IFT57: variants seen among roughly 807,000 people sequenced by gnomAD.
IFT57 encodes the protein intraflagellar transport 57.
Under a neutral mutation model 56.8 loss-of-function variants are expected in IFT57, and 59 were observed. The observed-to-expected ratio is 1.04, with a 90% CI of 0.84 to 1.29. The LOEUF is 1.29. Among genes scored for constraint, IFT57 ranks in the 50% most tolerant of loss-of-function variants. The pLI, the probability that IFT57 is intolerant of heterozygous loss-of-function variation, is 0.00. For synonymous variants in IFT57, 209 were observed against 186.1 expected, an observed-to-expected ratio of 1.12 and a Z score of -1.00; for missense variants, 470 against 522.1, an observed-to-expected ratio of 0.90 and a Z score of 0.97.
rs764840317 is a variant in IFT57 at position 108,206,637 on chromosome 3, T to G, written c.645A>C (p.Thr215=). 7.3e-7 allele frequency: 1 copy of G among 1,368,122 alleles called. No individual in the cohort carries two copies. Among genetic ancestry groups the G allele is most frequent in the Non-Finnish European group, 9.7e-7 (1 of 1,030,244 alleles). The allele number at this position is 1,368,122 out of a possible 1,614,324, so 84.7% of individuals were successfully genotyped here. Residue 215 remains threonine, a synonymous_variant, in exon 5 of 11, where the codon ACA becomes ACC. Coordinates refer to ENST00000264538, the MANE Select transcript of IFT57 (RefSeq NM_018010.4). ...FIDLNVLKAQ[T]YHLDMNETAK... is the part of the protein sequence containing the mutation. ...ATCTGATGAAACTTACCAAGTGATATGTCTGGGCCTTTAAAACGTTGAGAT... is the reference window on the plus strand; with the variant it reads ...ATCTGATGAAACTTACCAAGTGATAGGTCTGGGCCTTTAAAACGTTGAGAT...
chr3:108,165,417 G>T lies in IFT57; in HGVS notation c.1044+14C>A. 4 of 1,608,338 alleles carry T rather than the reference G, an allele frequency of 2.5e-6. No homozygotes were observed. Among genetic ancestry groups the T allele is most frequent in the Non-Finnish European group, 3.4e-6 (4 of 1,175,212 alleles). On this transcript the variant is annotated intron_variant, in intron 9 of 10. Coordinates refer to ENST00000264538, the MANE Select transcript of IFT57 (RefSeq NM_018010.4). ...CTGACAGGTGAGAAGCAGGGCAAGA[G>T]CATCAGTGTGTACCTCAGAGAGGAG...
chr3:108,205,931 TATAA>T (rs1157173853), intron 5 of IFT57, among the ~76,000 whole-genome samples: 33 of 119,046 alleles, frequency 2.8e-4, no homozygotes, highest in Admixed American at 3.4e-4. Flanking sequence ...ATTTATAATA[TATAA>T]ATATATTAGT....
rs1036892191 is a variant in IFT57, at chr3:108,161,755, G to A, written c.*722C>T. ...CCTTCTTCTACAAAATGGTTCCCTA[G>A]TATAGCCGATACCACAGAAAAAGGT... On this transcript the variant is annotated 3_prime_UTR_variant, in exon 11 of 11. Transcript: ENST00000264538. The A allele has an allele frequency of 1.3e-5, 2 of 152,090 alleles. No individual in the cohort carries two copies. Among genetic ancestry groups the A allele is most frequent in the Non-Finnish European group, 2.9e-5 (2 of 68,008 alleles). 9.4% of individuals were successfully genotyped at this position (152,090 alleles called of 1,614,324 possible).
chr3:108,196,973 A>G (rs949385835), intron 5 of IFT57, among the ~76,000 whole-genome samples: 2 of 152,140 alleles, frequency 1.3e-5, no homozygotes, highest in African/African-American at 2.4e-5. Flanking sequence ...TTTCTTCCCA[A>G]TTGTTTTTCC....
chr3:108,206,641 T>C lies in IFT57; in HGVS notation c.641A>G (p.Gln214Arg). 4 of 1,389,196 alleles carry C rather than the reference T, an allele frequency of 2.9e-6. No individual in the cohort carries two copies. The highest frequency in any genetic ancestry group is 3.8e-6 in the Non-Finnish European group (4 of 1,043,716). The allele number at this position is 1,389,196 out of a possible 1,614,324, so 86.1% of individuals were successfully genotyped here. ...GATGAAACTTACCAAGTGATATGTCTGGGCCTTTAAAACGTTGAGATCAAT... is the reference window on the plus strand; with the variant it reads ...GATGAAACTTACCAAGTGATATGTCCGGGCCTTTAAAACGTTGAGATCAAT... ...NFIDLNVLKA[Q>R]TYHLDMNETA... The change falls in exon 5 of 11, where the codon CAG (glutamine) becomes CGG (arginine). Residue 214 changes from glutamine to arginine, a missense_variant. Gln to Arg is a conservative substitution (Grantham distance 43). Transcript: ENST00000264538.
In IFT57 at chr3:108,162,175, G is replaced by T; in HGVS notation, c.*302C>A. ...GACAGCAGCAGCATCTGCAGAAAAC[G>T]CAGGTCATATACCTTGGCTTACACA... On this transcript the variant is annotated 3_prime_UTR_variant, in exon 11 of 11. Coordinates refer to ENST00000264538, the MANE Select transcript of IFT57 (RefSeq NM_018010.4). 1 of 204,004 alleles carries T rather than the reference G, an allele frequency of 4.9e-6. No homozygotes were observed. The highest frequency in any genetic ancestry group is 9.9e-6 in the Non-Finnish European group (1 of 100,902). 12.6% of individuals were successfully genotyped at this position (204,004 alleles called of 1,614,324 possible). A position where few individuals can be genotyped will look rare whatever the true frequency, so the allele number is the denominator to read the frequency against.
chr3:108,203,564 G>A (rs2108322589), intron 5 of IFT57, among the ~76,000 whole-genome samples: 1 of 129,034 alleles, frequency 7.7e-6, no homozygotes, highest in Admixed American at 7.8e-5. Flanking sequence ...TATGATTATT[G>A]TCAGTAAGTT....
chr3:108,210,123 CCTA>C (rs1359303000), intron 4 of IFT57, among the ~76,000 whole-genome samples: 1 of 151,976 alleles, frequency 6.6e-6, no homozygotes, highest in Non-Finnish European at 1.5e-5. Context: ...TCAAAAATTT[CCTA>C]CTATTTGTCT....
intron 5 of IFT57, among the ~76,000 whole-genome samples, chr3:108,191,874 T>C (rs2080216996): frequency 6.6e-6 from 1 of 152,160 alleles, no homozygotes; most frequent in Admixed American, 6.6e-5. Flanking sequence ...ATTCAACTAT[T>C]TTTACAAGGA....
intron 5 of IFT57, among the ~76,000 whole-genome samples, chr3:108,196,411 T>C (rs1192510326): frequency 6.6e-6 from 1 of 152,148 alleles, no homozygotes; most frequent in African/African-American, 2.4e-5. Context: ...CTCAAAATGT[T>C]TTACTGAAGG....
At chr3:108,186,648 GCA>G (rs928580709) in intron 6 of IFT57, among the ~76,000 whole-genome samples, 5 of 151,930 alleles carry the variant, frequency 3.3e-5, no homozygotes, top group African/African-American at 1.2e-4. Flanking sequence ...AAATGAAAAA[GCA>G]AAAAAAGCCA....
At chr3:108,195,961 T>C (rs745713723) in intron 5 of IFT57, among the ~76,000 whole-genome samples, 2 of 152,140 alleles carry the variant, frequency 1.3e-5, no homozygotes, top group Middle Eastern at 3.2e-3. Context: ...CGGTAATGTA[T>C]TATATATTTC....
At chr3:108,164,867 G>A (rs2080051721) in intron 9 of IFT57, among the ~76,000 whole-genome samples, 1 of 151,824 alleles carries the variant, frequency 6.6e-6, no homozygotes, top group South Asian at 2.1e-4. Context: ...CTTTTTTCAA[G>A]GTTTTTTCCT....
At chr3:108,221,559 T>C (rs2080405496) in intron 1 of IFT57, among the ~76,000 whole-genome samples, 2 of 152,190 alleles carry the variant, frequency 1.3e-5, no homozygotes, top group African/African-American at 2.4e-5. Context: ...TTTTAAACCA[T>C]AGCAAGTAGT....
At position 108,160,959 on chromosome 3, in the gene IFT57, T is replaced by C. The variant is rs556766664; in HGVS notation, c.*1518A>G. On this transcript the variant is annotated 3_prime_UTR_variant, in exon 11 of 11. Transcript: ENST00000264538. The stretch of plus-strand genomic sequence containing the variant: ...ACTACTCATTGCAAGAATTTTTAGA[T>C]TTTTTACATGTCTGCATAAATAATG... 1.3e-5 allele frequency: 2 copies of C among 152,310 alleles called. No individual in the cohort carries two copies. The highest frequency in any genetic ancestry group is 2.9e-5 in the Non-Finnish European group (2 of 68,010). The allele number at this position is 152,310 out of a possible 1,614,324, so 9.4% of individuals were successfully genotyped here. A position where few individuals can be genotyped will look rare whatever the true frequency, so the allele number is the denominator to read the frequency against.
At chr3:108,173,182 G>T (rs1369754297) in intron 6 of IFT57, among the ~76,000 whole-genome samples, 2 of 151,808 alleles carry the variant, frequency 1.3e-5, no homozygotes, top group South Asian at 4.1e-4. Flanking sequence ...AATGTGGTAT[G>T]ATACTGTTTT....
intron 4 of IFT57, among the ~76,000 whole-genome samples, chr3:108,211,571 G>C (rs557060563): frequency 1.6e-4 from 24 of 152,306 alleles, no homozygotes; most frequent in African/African-American, 5.5e-4. Flanking sequence ...CAGGGCCTTG[G>C]CCACTGCCTG....
intron 5 of IFT57, among the ~76,000 whole-genome samples, chr3:108,196,188 C>A (rs1475086056): frequency 6.6e-6 from 1 of 152,050 alleles, no homozygotes; most frequent in Non-Finnish European, 1.5e-5. Context: ...TTATGGAGTA[C>A]CATTTGGGTG....
chr3:108,180,584 C>T (rs1177070557), intron 6 of IFT57, among the ~76,000 whole-genome samples: 2 of 151,926 alleles, frequency 1.3e-5, no homozygotes, highest in East Asian at 3.9e-4. Flanking sequence ...CAAGAGTTAA[C>T]TCCTGCATAT....
Sources: gnomAD v4.1 joint callset for allele counts (sites outside exome capture counted in the v4.1 genomes callset) on GRCh38, gnomAD v4.1.1 for gene constraint, MANE v1.5 for transcripts, NCBI Gene and HGNC (gene_info 2026-07-23, HGNC 2026-07-21) for gene names.